PTPRN2: variants seen among roughly 807,000 people sequenced by gnomAD.
The protein encoded by PTPRN2 is receptor-type tyrosine-protein phosphatase N2.
In PTPRN2, 74 loss-of-function variants were observed where a neutral mutation model predicts 118.8. The ratio of observed to expected loss-of-function variants is 0.62; its 90% CI spans 0.52 to 0.76. The LOEUF (loss-of-function observed/expected upper bound fraction) is 0.76, where lower values mean the gene tolerates loss of function less well. PTPRN2 is among the 30% of genes least tolerant of loss of function. The pLI, the probability that PTPRN2 is intolerant of heterozygous loss-of-function variation, is 0.00. For synonymous variants in PTPRN2, 641 were observed against 608.0 expected, an observed-to-expected ratio of 1.05 and a Z score of -0.80; for missense variants, 1,481 against 1,394.4, an observed-to-expected ratio of 1.06 and a Z score of -0.99.
intron 12 of PTPRN2, among the ~76,000 whole-genome samples, chr7:157,709,724 C>T (rs1019766977): frequency 7.2e-5 from 11 of 152,192 alleles, no homozygotes; most frequent in Non-Finnish European, 1.3e-4. Flanking sequence ...AGATTCAGCC[C>T]GGCGTGCCTG....
chr7:158,158,004 C>G (rs1470332039), intron 6 of PTPRN2, among the ~76,000 whole-genome samples: 4 of 152,122 alleles, frequency 2.6e-5, no homozygotes, highest in Non-Finnish European at 5.9e-5. Flanking sequence ...CCTCCTGGAG[C>G]AGCCTGTGAG....
intron 11 of PTPRN2, among the ~76,000 whole-genome samples, chr7:158,006,016 G>A (rs981550814): frequency 1.3e-5 from 2 of 152,172 alleles, no homozygotes; most frequent in African/African-American, 4.8e-5. Context: ...ATGGAAAGGT[G>A]GTACTAGCAG....
rs1477878704 is a variant in PTPRN2, at chr7:157,595,333, C to T, written c.2419-18G>A. 5 of 1,612,460 alleles carry T rather than the reference C, an allele frequency of 3.1e-6. No individual in the cohort carries two copies. The highest frequency in any genetic ancestry group is 2.7e-5 in the African/African-American group (2 of 74,878). ...TGATCCATCTGCAGAGACAAGACCA[C>T]ACCACAGCGGTTAGCCAGGAGATTA... On this transcript the variant is annotated intron_variant, in intron 16 of 22. Transcript: ENST00000389418.
At chr7:157,791,542 T>G in intron 12 of PTPRN2, among the ~76,000 whole-genome samples, 1 of 102,614 alleles carries the variant, frequency 9.7e-6, no homozygotes. Context: ...CCCCGCTCCC[T>G]GCACCCACCT....
chr7:157,948,475 A>G (rs1291554215), intron 11 of PTPRN2, among the ~76,000 whole-genome samples: 1 of 152,196 alleles, frequency 6.6e-6, no homozygotes, highest in Admixed American at 6.5e-5. Flanking sequence ...TGAGAAGGGA[A>G]TCAAAACAGT....
At chr7:158,340,418 C>A (rs1347496128) in intron 2 of PTPRN2, among the ~76,000 whole-genome samples, 8 of 65,836 alleles carry the variant, frequency 1.2e-4, no homozygotes, top group South Asian at 7.3e-4. Flanking sequence ...AGACGTCACT[C>A]ACACACACAC....
chr7:157,968,293 A>G (rs1315443180), intron 11 of PTPRN2, among the ~76,000 whole-genome samples: 1 of 120,084 alleles, frequency 8.3e-6, no homozygotes, highest in Non-Finnish European at 1.9e-5. Context: ...CTAGGAATGC[A>G]GAGCTTTCAG....
chr7:158,034,677 G>A (rs1255923078), intron 11 of PTPRN2, among the ~76,000 whole-genome samples: 3 of 152,226 alleles, frequency 2.0e-5, no homozygotes, highest in Non-Finnish European at 2.9e-5. Context: ...AGGGGCCCAT[G>A]CTAGGCCAAG....
chr7:158,388,359 C>T (rs1470979951), intron 2 of PTPRN2, among the ~76,000 whole-genome samples: 2 of 152,216 alleles, frequency 1.3e-5, no homozygotes, highest in African/African-American at 2.4e-5. Flanking sequence ...ACAGCCAGGC[C>T]ACCTGCATTT....
rs1585460474 is a variant in PTPRN2, at chr7:157,785,275, G to A, written c.1789-102338C>T. On this transcript the variant is annotated intron_variant, in intron 12 of 22. Coordinates refer to ENST00000389418, the MANE Select transcript of PTPRN2 (RefSeq NM_002847.5). The surrounding 1 kb of genome is among the most constrained non-coding windows in gnomAD (Gnocchi z 7.3). ...GGCCTGCCCTGTCTGGGGCGCCAAG[G>A]CCAGTGGTGTAAATCCACACTCTAT... Among the ~76,000 whole-genome samples, 1 of 152,302 alleles carries A rather than the reference G, an allele frequency of 6.6e-6. No individual in the cohort carries two copies. The highest frequency in any genetic ancestry group is 3.4e-3 in the Middle Eastern group (1 of 294).
intron 11 of PTPRN2, among the ~76,000 whole-genome samples, chr7:157,910,291 T>C (rs537178234): frequency 1.1e-4 from 16 of 143,832 alleles, no homozygotes; most frequent in East Asian, 2.1e-4. Context: ...GTACGCCGGA[T>C]CACGCACGTA....
At chr7:158,216,891 G>A (rs1464502434) in intron 3 of PTPRN2, among the ~76,000 whole-genome samples, 1 of 152,152 alleles carries the variant, frequency 6.6e-6, no homozygotes, top group Non-Finnish European at 1.5e-5. Flanking sequence ...ATCATTCAGA[G>A]TGTGTTCTCT....
chr7:158,454,368 A>G (rs56227918), intron 2 of PTPRN2, among the ~76,000 whole-genome samples: 8 of 145,082 alleles, frequency 5.5e-5, no homozygotes, highest in African/African-American at 7.6e-5. Flanking sequence ...AAGACACAAC[A>G]CACACAATCA....
intron 11 of PTPRN2, among the ~76,000 whole-genome samples, chr7:157,922,336 AGCACT>A (rs1798734574): frequency 6.6e-6 from 1 of 152,190 alleles, no homozygotes; most frequent in Non-Finnish European, 1.5e-5. Context: ...CGATGGGGCC[AGCACT>A]GCATCCTGAC....
At chr7:158,078,798 A>G (rs1480675692) in intron 11 of PTPRN2, among the ~76,000 whole-genome samples, 1 of 152,250 alleles carries the variant, frequency 6.6e-6, no homozygotes, top group Non-Finnish European at 1.5e-5. Context: ...CCTACCTGCA[A>G]GATCTTCACA....
intron 5 of PTPRN2, among the ~76,000 whole-genome samples, chr7:158,182,567 T>A (rs991655006): frequency 6.6e-6 from 1 of 152,174 alleles, no homozygotes; most frequent in East Asian, 1.9e-4. Flanking sequence ...TGTGAGAACA[T>A]GCAGTGTTTG....
chr7:158,531,044 ATGGGCG>A (rs1825192650), intron 1 of PTPRN2, among the ~76,000 whole-genome samples: 1 of 152,146 alleles, frequency 6.6e-6, no homozygotes, highest in African/African-American at 2.4e-5. Context: ...GAACATGTGC[ATGGGCG>A]TGGGTGAGCA....
chr7:157,613,525 CG>C (rs1015872624), intron 15 of PTPRN2, among the ~76,000 whole-genome samples: 1 of 152,166 alleles, frequency 6.6e-6, no homozygotes, highest in African/African-American at 2.4e-5. Flanking sequence ...GAGCAGGGTC[CG>C]GGGCGCGTCC....
intron 12 of PTPRN2, among the ~76,000 whole-genome samples, chr7:157,891,097 C>T (rs1021234787): frequency 3.3e-5 from 5 of 152,202 alleles, no homozygotes; most frequent in African/African-American, 1.2e-4. Flanking sequence ...CAGAACCAGG[C>T]ATCTGGTGAG....
Sources: allele counts gnomAD v4.1 joint callset (sites outside exome capture counted in the v4.1 genomes callset), GRCh38; gene constraint gnomAD v4.1.1; non-coding constraint Gnocchi (gnomAD v3.1); transcripts MANE v1.5; gene names NCBI Gene and HGNC (gene_info 2026-07-23, HGNC 2026-07-21).